Variants in STK38L observed in about 807,000 individuals in gnomAD.
STK38L encodes the protein serine/threonine kinase 38 like.
STK38L carries 28 observed loss-of-function variants against 59.7 expected under a neutral mutation model. The ratio of observed to expected loss-of-function variants is 0.47; its 90% CI spans 0.35 to 0.64. STK38L has a LOEUF of 0.64. Ranked by LOEUF, STK38L falls within the 30% of genes least tolerant of loss-of-function variation. The pLI is 0.01. For missense variants in STK38L, 314 were observed against 555.8 expected, an observed-to-expected ratio of 0.56 and a Z score of 4.37; for synonymous variants, 162 against 176.8, an observed-to-expected ratio of 0.92 and a Z score of 0.66.
chr12:27,309,542 C>G (rs527299903), intron 5 of STK38L, among the ~76,000 whole-genome samples: 2 of 152,282 alleles, frequency 1.3e-5, no homozygotes, highest in African/African-American at 4.8e-5. Context: ...TGGCCACCTT[C>G]TCACTAAGTT....
At chr12:27,277,241 T>C (rs1358594173) in intron 1 of STK38L, among the ~76,000 whole-genome samples, 4 of 152,132 alleles carry the variant, frequency 2.6e-5, no homozygotes, top group Non-Finnish European at 5.9e-5. Flanking sequence ...TAATTACTCG[T>C]ACTTTTAAAA....
intron 11 of STK38L, among the ~76,000 whole-genome samples, chr12:27,318,277 A>G (rs1944636176): frequency 6.6e-6 from 1 of 152,258 alleles, no homozygotes; most frequent in African/African-American, 2.4e-5. Context: ...TTCTGTTAGA[A>G]TGCAATGACC....
intron 1 of STK38L, among the ~76,000 whole-genome samples, chr12:27,259,709 G>A (rs557273077): frequency 6.6e-6 from 1 of 152,068 alleles, no homozygotes; most frequent in Non-Finnish European, 1.5e-5. Context: ...AGCCTTTTGT[G>A]TATACCAGGC....
chr12:27,298,155 G>A, intron 2 of STK38L: 1 of 219,254 alleles, frequency 4.6e-6, no homozygotes, highest in Non-Finnish European at 9.1e-6. Flanking sequence ...GGGATGCCTG[G>A]CTTGGTGTGG....
chr12:27,247,470 C>A (rs1032214776), intron 1 of STK38L, among the ~76,000 whole-genome samples: 1 of 152,012 alleles, frequency 6.6e-6, no homozygotes, highest in African/African-American at 2.4e-5. Context: ...AAAATAACAC[C>A]CAAGTAAATG....
chr12:27,249,641 G>A (rs1942930393), intron 1 of STK38L, among the ~76,000 whole-genome samples: 1 of 152,096 alleles, frequency 6.6e-6, no homozygotes, highest in African/African-American at 2.4e-5. Flanking sequence ...CCTGGCCTAT[G>A]CTTAGCTTTT....
chr12:27,260,190 A>G lies in STK38L; in HGVS notation c.-12+15858A>G, dbSNP rs868571101. 7.2e-5 allele frequency among the ~76,000 whole-genome samples: 11 copies of G among 152,160 alleles called. No homozygotes were observed. In the East Asian group the frequency reaches 1.9e-3, roughly 27 times the overall value. Reference sequence around the variant, plus strand: ...TCTGGATTCTTCTTGTGATATAACTAGGAATTATTCTAAAGCTCACAAGTT... The same window carrying G: ...TCTGGATTCTTCTTGTGATATAACTGGGAATTATTCTAAAGCTCACAAGTT... On this transcript the variant is annotated intron_variant, in intron 1 of 13. Transcript: ENST00000389032.
At chr12:27,253,506 G>T (rs1037505561) in intron 1 of STK38L, among the ~76,000 whole-genome samples, 2 of 152,198 alleles carry the variant, frequency 1.3e-5, no homozygotes, top group African/African-American at 4.8e-5. Flanking sequence ...CATACCGTGT[G>T]CCAGGAGATA....
At position 27,312,619 on chromosome 12, in the gene STK38L, A is replaced by G. The variant is rs1378160207; in HGVS notation, c.464A>G (p.Tyr155Cys). Reference sequence around the variant, plus strand: ...GGTGCCTGGGTGGTGAAGATGTTTTACAGTTTTCAGGATAAGAGGAATCTT... The same window carrying G: ...GGTGCCTGGGTGGTGAAGATGTTTTGCAGTTTTCAGGATAAGAGGAATCTT... Reference protein sequence around the residue: ...ADGAWVVKMFYSFQDKRNLYL... With the variant: ...ADGAWVVKMFCSFQDKRNLYL... The change falls in exon 6 of 14, where the codon TAC (tyrosine) becomes TGC (cysteine). Residue 155 changes from tyrosine to cysteine, a missense_variant. By Grantham distance (194) the Tyr-to-Cys change is radical. Around this residue, in one of 3 missense-constraint regions of STK38L, gnomAD observed 192 missense variants for 316.9 expected, o/e 0.61. Transcript: ENST00000389032. 6.2e-7 allele frequency: 1 copy of G among 1,613,982 alleles called. No individual in the cohort carries two copies. The highest frequency in any genetic ancestry group is 1.3e-5 in the African/African-American group (1 of 74,922).
At chr12:27,288,883 T>C (rs1936722633) in intron 1 of STK38L, among the ~76,000 whole-genome samples, 1 of 150,994 alleles carries the variant, frequency 6.6e-6, no homozygotes, top group African/African-American at 2.4e-5. Flanking sequence ...AAATTGTGGC[T>C]TTTTTTCTCT....
chr12:27,302,299 G>A, intron 3 of STK38L, 111 bp downstream of exon 3: 3 of 786,672 alleles, frequency 3.8e-6, no homozygotes, highest in Non-Finnish European at 5.9e-6. Context: ...ATTTGAATAT[G>A]GGCTTCTTTG....
chr12:27,286,216 C>CTT (rs537525330), intron 1 of STK38L, among the ~76,000 whole-genome samples: 121 of 152,278 alleles, frequency 7.9e-4, no homozygotes, highest in Non-Finnish European at 1.4e-3. Flanking sequence ...AAAACCACCT[C>CTT]TAAGTGCTGA....
intron 1 of STK38L, among the ~76,000 whole-genome samples, chr12:27,287,117 T>TTTA (rs1943789984): frequency 6.6e-6 from 1 of 151,644 alleles, no homozygotes; most frequent in African/African-American, 2.4e-5. Flanking sequence ...TTTTTTTTTT[T>TTTA]GAGATGGAGT....
chr12:27,246,684 C>A (rs985491108), intron 1 of STK38L, among the ~76,000 whole-genome samples: 6 of 152,210 alleles, frequency 3.9e-5, no homozygotes, highest in Non-Finnish European at 8.8e-5. Flanking sequence ...TCCTCCTCTT[C>A]TTCCCCCCAA....
intron 1 of STK38L, among the ~76,000 whole-genome samples, chr12:27,260,952 C>G (rs1943192586): frequency 6.6e-6 from 1 of 152,200 alleles, no homozygotes; most frequent in Non-Finnish European, 1.5e-5. Flanking sequence ...GATGACTCAT[C>G]TTTCTTTTTT....
At chr12:27,304,448 A>C (rs563940924) in intron 3 of STK38L, among the ~76,000 whole-genome samples, 1 of 152,184 alleles carries the variant, frequency 6.6e-6, no homozygotes, top group East Asian at 1.9e-4. Flanking sequence ...AACTTTGTTA[A>C]TCAGTTGACT....
chr12:27,259,420 A>G (rs1364022281), intron 1 of STK38L, among the ~76,000 whole-genome samples: 1 of 152,110 alleles, frequency 6.6e-6, no homozygotes, highest in Non-Finnish European at 1.5e-5. Context: ...CATGGGCATC[A>G]GTTCTTTCAT....
At position 27,308,733 on chromosome 12, in the gene STK38L, C is replaced by T. The variant is rs1004803652; in HGVS notation, c.309+272C>T. Among the ~76,000 whole-genome samples, 6 of 151,328 alleles carry T rather than the reference C, an allele frequency of 4.0e-5. No homozygotes were observed. Among genetic ancestry groups the T allele is most frequent in the African/African-American group, 1.2e-4 (5 of 41,234 alleles). ...ACTTGGGAGGCTGAGGCAGGAGAATCGCTTGAGCCCAGGAGGCAGAAGTTG... is the reference window on the plus strand; with the variant it reads ...ACTTGGGAGGCTGAGGCAGGAGAATTGCTTGAGCCCAGGAGGCAGAAGTTG... On this transcript the variant is annotated intron_variant, in intron 4 of 13. Coordinates refer to ENST00000389032, the MANE Select transcript of STK38L (RefSeq NM_015000.4). The surrounding 1 kb of genome is among the most constrained non-coding windows in gnomAD (Gnocchi z 4.5).
chr12:27,292,941 G>A (rs978680638), intron 1 of STK38L, among the ~76,000 whole-genome samples: 3 of 151,922 alleles, frequency 2.0e-5, no homozygotes, highest in Non-Finnish European at 4.4e-5. Flanking sequence ...ATACTGTTGG[G>A]TTTTTTGTTT....
Sources: allele counts gnomAD v4.1 joint callset (sites outside exome capture counted in the v4.1 genomes callset), GRCh38; gene constraint gnomAD v4.1.1; regional missense constraint gnomAD v4.1.1; non-coding constraint Gnocchi (gnomAD v3.1); transcripts MANE v1.5; gene names NCBI Gene and HGNC (gene_info 2026-07-23, HGNC 2026-07-21).